Variants in PCDHA4 observed in about 807,000 individuals in gnomAD.
The protein encoded by PCDHA4 is protocadherin alpha 4.
Under a neutral mutation model 61.4 loss-of-function variants are expected in PCDHA4, and 49 were observed. The ratio of observed to expected loss-of-function variants is 0.80; its 90% CI spans 0.63 to 1.01. The LOEUF (loss-of-function observed/expected upper bound fraction) is 1.01. PCDHA4 is among the 50% of genes least tolerant of loss of function. The pLI, the probability that PCDHA4 is intolerant of heterozygous loss-of-function variation, is 0.00. For missense variants in PCDHA4, 1,254 were observed against 1,235.8 expected, an observed-to-expected ratio of 1.01 and a Z score of -0.22; for synonymous variants, 590 against 550.3, an observed-to-expected ratio of 1.07 and a Z score of -1.01.
At chr5:140,913,394 A>G (rs2076316460) in intron 1 of PCDHA4, among the ~76,000 whole-genome samples, 1 of 152,204 alleles carries the variant, frequency 6.6e-6, no homozygotes, top group Non-Finnish European at 1.5e-5. Flanking sequence ...CATAGCCACT[A>G]ATGATCCTTT....
chr5:140,927,412 G>A, intron 1 of PCDHA4: 1 of 1,614,122 alleles, frequency 6.2e-7, no homozygotes, highest in African/African-American at 1.3e-5. Context: ...CCTGGACATG[G>A]GATCGCGGGT....
chr5:140,831,094 A>T (rs1771374456), intron 1 of PCDHA4: 2 of 152,224 alleles, frequency 1.3e-5, no homozygotes, highest in African/African-American at 2.4e-5. Context: ...GGACAAAAAC[A>T]ATAGTTATCA....
intron 1 of PCDHA4, chr5:140,871,538 ATTATTTAAAATCCAGTTTTTT>A (rs2053161122): frequency 1.3e-5 from 20 of 1,507,314 alleles, no homozygotes; most frequent in Non-Finnish European, 1.8e-5. Context: ...TGTATGTGAA[ATTATTTAAAATCCAGTTTTTT>A]TTCACGGATT....
intron 1 of PCDHA4, chr5:140,841,564 T>C (rs2150318261): frequency 1.2e-6 from 2 of 1,613,882 alleles, no homozygotes; most frequent in South Asian, 1.1e-5. Flanking sequence ...GTCTGCAGAA[T>C]GGCATTTTGT....
At chr5:140,877,280 A>G (rs782014601) in intron 1 of PCDHA4, 14 of 1,613,734 alleles carry the variant, frequency 8.7e-6, no homozygotes, top group Non-Finnish European at 1.2e-5. Context: ...GACTCCGGCT[A>G]TAACGCTTGG....
intron 1 of PCDHA4, chr5:140,967,882 C>T (rs1323816592): frequency 1.2e-6 from 2 of 1,614,108 alleles, no homozygotes. Context: ...ACCTGTATAG[C>T]CCAGTGCCTG....
At chr5:140,934,163 G>A (rs2153618590) in intron 1 of PCDHA4, among the ~76,000 whole-genome samples, 1 of 152,110 alleles carries the variant, frequency 6.6e-6, no homozygotes, top group Non-Finnish European at 1.5e-5. Flanking sequence ...ATTTCAGTGT[G>A]CAACAGAAGT....
At chr5:140,918,302 G>A (rs1382712359) in intron 1 of PCDHA4, among the ~76,000 whole-genome samples, 1 of 152,048 alleles carries the variant, frequency 6.6e-6, no homozygotes, top group African/African-American at 2.4e-5. Context: ...GAGAATATAG[G>A]GTTTTCTAGG....
chr5:140,872,802 A>T (rs533671542), intron 1 of PCDHA4, among the ~76,000 whole-genome samples: 128 of 152,330 alleles, frequency 8.4e-4, no homozygotes, highest in Admixed American at 2.4e-3. Flanking sequence ...GCATTCTTCC[A>T]TAAGTTTTTC....
rs113425597 is a variant in PCDHA4 at position 140,807,616 on chromosome 5, G to A, written c.429G>A (p.Ala143=). The change falls in exon 1 of 4, where the codon GCG becomes GCA. Residue 143 remains alanine, a synonymous_variant. Coordinates refer to ENST00000530339, the MANE Select transcript of PCDHA4 (RefSeq NM_018907.4). ...CAACACAAAAGAACCTGTCCATCGC[G>A]GAATCCAGGCCGCTTGACTCTCGGT... ...FPATQKNLSI[A]ESRPLDSRFP... The A allele has an allele frequency of 6.2e-7, 1 of 1,614,130 alleles. No individual in the cohort carries two copies. Among genetic ancestry groups the A allele is most frequent in the Admixed American group, 1.7e-5 (1 of 60,022 alleles).
intron 1 of PCDHA4, chr5:140,850,881 A>G (rs2041865232): frequency 1.3e-6 from 2 of 1,586,312 alleles, no homozygotes; most frequent in African/African-American, 1.4e-5. Context: ...CTCAGATTCA[A>G]CTGGGAAGGT....
intron 1 of PCDHA4, among the ~76,000 whole-genome samples, chr5:140,885,265 T>C (rs2060534945): frequency 6.6e-6 from 1 of 152,186 alleles, no homozygotes; most frequent in African/African-American, 2.4e-5. Flanking sequence ...TAATTACTCA[T>C]ACATATATAT....
At chr5:140,942,545 G>C (rs981508818) in intron 1 of PCDHA4, among the ~76,000 whole-genome samples, 4 of 151,970 alleles carry the variant, frequency 2.6e-5, no homozygotes, top group African/African-American at 9.7e-5. Context: ...ATGGTGGGGG[G>C]TAGGGGGTTG....
At chr5:140,876,916 G>A (rs2056692894) in intron 1 of PCDHA4, 3 of 1,613,960 alleles carry the variant, frequency 1.9e-6, no homozygotes, top group Non-Finnish European at 2.5e-6. Flanking sequence ...GGCATGGGAC[G>A]CGGACGCGCA....
chr5:140,807,614 G>T lies in PCDHA4; in HGVS notation c.427G>T (p.Ala143Ser), dbSNP rs782288256. 5.0e-6 allele frequency: 8 copies of T among 1,614,174 alleles called. No individual in the cohort carries two copies. The South Asian group carries it at 8.8e-5, about 18-fold the overall frequency. The stretch of plus-strand genomic sequence containing the variant: ...AGCAACACAAAAGAACCTGTCCATC[G>T]CGGAATCCAGGCCGCTTGACTCTCG... ...FPATQKNLSI[A>S]ESRPLDSRFP... Residue 143 changes from alanine to serine, a missense_variant, in exon 1 of 4, where the codon GCG becomes TCG. Transcript: ENST00000530339.
At chr5:140,855,706 TCAA>T (rs1176313933) in intron 1 of PCDHA4, among the ~76,000 whole-genome samples, 1 of 149,608 alleles carries the variant, frequency 6.7e-6, no homozygotes, top group African/African-American at 2.5e-5. Context: ...GCACGTGGGA[TCAA>T]CATTTATTGT....
intron 1 of PCDHA4, among the ~76,000 whole-genome samples, chr5:140,914,601 T>G (rs190275610): frequency 1.8e-4 from 27 of 152,294 alleles, no homozygotes; most frequent in Non-Finnish European, 3.7e-4. Context: ...AGGAACTTCC[T>G]CCTGCCATTT....
rs2150361079 is a variant in PCDHA4, at chr5:140,843,485, C to G, written c.2385+33913C>G. On this transcript the variant is annotated intron_variant, in intron 1 of 3. Transcript: ENST00000530339. The stretch of plus-strand genomic sequence containing the variant: ...CACGCTGCTGCTGTACACTGCGCTG[C>G]GGTGCTCAGCACTGCCCACTGAGGG... The G allele has an allele frequency of 5.6e-6, 9 of 1,595,872 alleles. No homozygotes were observed. The African/African-American group carries it at 1.1e-4, about 19-fold the overall frequency.
chr5:140,980,465 A>G (rs1170047538), intron 2 of PCDHA4, among the ~76,000 whole-genome samples: 4 of 152,184 alleles, frequency 2.6e-5, no homozygotes, highest in African/African-American at 9.7e-5. Flanking sequence ...CCCTGTCTCT[A>G]CTAAAAATAC....
Sources: gnomAD v4.1 joint callset for allele counts (sites outside exome capture counted in the v4.1 genomes callset) on GRCh38, gnomAD v4.1.1 for gene constraint, MANE v1.5 for transcripts, NCBI Gene and HGNC (gene_info 2026-07-23, HGNC 2026-07-21) for gene names.